ACO2: variants seen among roughly 807,000 people sequenced by gnomAD.
The protein encoded by ACO2 is aconitate hydratase, mitochondrial.
ACO2 carries 31 observed loss-of-function variants against 84.5 expected under a neutral mutation model. The ratio of observed to expected loss-of-function variants is 0.37; its 90% CI spans 0.28 to 0.50. The LOEUF (loss-of-function observed/expected upper bound fraction) is 0.50. ACO2 is among the 20% of genes least tolerant of loss of function. ACO2 has a pLI of 0.97. For missense variants in ACO2, 685 were observed against 1,029.3 expected, an observed-to-expected ratio of 0.67 and a Z score of 4.58; for synonymous variants, 414 against 412.7, an observed-to-expected ratio of 1.00 and a Z score of -0.04.
intron 1 of ACO2, among the ~76,000 whole-genome samples, chr22:41,481,108 G>A (rs2038082128): frequency 3.3e-5 from 5 of 151,898 alleles, no homozygotes; most frequent in South Asian, 2.1e-4. Flanking sequence ...CATTACCCTC[G>A]GCCAAAATCT....
chr22:41,520,284 C>G lies in ACO2; in HGVS notation c.1138+8C>G. ...CTCTGGACATCCGAGTGGGTGAGCACCTTCCACCCCATCTGTTTAGCAGGT... is the reference window on the plus strand; with the variant it reads ...CTCTGGACATCCGAGTGGGTGAGCAGCTTCCACCCCATCTGTTTAGCAGGT... On this transcript the variant is annotated splice_region_variant and intron_variant, in intron 9 of 17. Transcript: ENST00000216254. The G allele has an allele frequency of 6.2e-7, 1 of 1,608,786 alleles. No individual in the cohort carries two copies. Among genetic ancestry groups the G allele is most frequent in the African/African-American group, 1.3e-5 (1 of 74,936 alleles).
At chr22:41,494,101 A>G (rs182020145) in intron 1 of ACO2, among the ~76,000 whole-genome samples, 94 of 152,328 alleles carry the variant, frequency 6.2e-4, no homozygotes, top group Non-Finnish European at 9.7e-4. Flanking sequence ...ACACTTTCAC[A>G]TAGTTGGAAA....
At chr22:41,488,788 G>A (rs1041794396) in intron 1 of ACO2, among the ~76,000 whole-genome samples, 4 of 152,268 alleles carry the variant, frequency 2.6e-5, no homozygotes, top group African/African-American at 9.6e-5. Context: ...GGATTAAGGG[G>A]GTTTACTGGA....
intron 1 of ACO2, among the ~76,000 whole-genome samples, chr22:41,475,169 C>CTT (rs1161178390): frequency 7.4e-4 from 89 of 120,210 alleles, no homozygotes; most frequent in Non-Finnish European, 1.0e-3. Context: ...TTGTTTTTTC[C>CTT]TTTTTTTTTT....
At chr22:41,505,385 C>T (rs372822597) in intron 2 of ACO2, among the ~76,000 whole-genome samples, 7 of 152,028 alleles carry the variant, frequency 4.6e-5, no homozygotes, top group African/African-American at 1.7e-4. Flanking sequence ...CCACTACACT[C>T]CAGCCTGGGT....
chr22:41,515,270 C>A lies in ACO2; in HGVS notation c.526-107C>A. The A allele has an allele frequency of 7.3e-7, 1 of 1,361,040 alleles. No homozygotes were observed. The highest frequency in any genetic ancestry group is 1.0e-6 in the Non-Finnish European group (1 of 958,822). 84.3% of individuals were successfully genotyped at this position (1,361,040 alleles called of 1,614,324 possible). ...ATGGGGCTGCTCCTACCAGTTCCATCCTGGGAGAGTGGCTGGACGTGGTTG... is the reference window on the plus strand; with the variant it reads ...ATGGGGCTGCTCCTACCAGTTCCATACTGGGAGAGTGGCTGGACGTGGTTG... On this transcript the variant is annotated intron_variant, in intron 4 of 17. Transcript: ENST00000216254. This position sits in a 1 kb window ranked among gnomAD's most constrained non-coding sequence, Gnocchi z 5.8.
rs759565200 is a variant in ACO2 at position 41,522,951 on chromosome 22, C to T, written c.1260C>T (p.Ser420=). The change falls in exon 10 of 18, where the codon TCC becomes TCT. Residue 420 remains serine, a synonymous_variant. Coordinates refer to ENST00000216254, the MANE Select transcript of ACO2 (RefSeq NM_001098.3). ...CKSQFTITPG[S]EQIRATIERD... ...CCCAGTTCACCATCACTCCAGGTTC[C>T]GAGCAGATCCGCGCCACCATTGAGC... The T allele has an allele frequency of 2.5e-5, 41 of 1,614,106 alleles. No homozygotes were observed. Among genetic ancestry groups the T allele is most frequent in the Non-Finnish European group, 3.1e-5 (37 of 1,180,060 alleles).
At chr22:41,528,048 T>G in intron 17 of ACO2, 26 bp downstream of exon 17, 1 of 1,613,638 alleles carries the variant, frequency 6.2e-7, no homozygotes, top group African/African-American at 1.3e-5. Flanking sequence ...CCCCCTGAGG[T>G]GGTGGGGTGA....
At chr22:41,517,472 G>A in intron 6 of ACO2, 55 bp from the exon 7 acceptor site, 1 of 1,458,374 alleles carries the variant, frequency 6.9e-7, no homozygotes, top group Non-Finnish European at 9.6e-7. Flanking sequence ...CGTAGCAGGT[G>A]TGTGGGACCC....
At position 41,515,338 on chromosome 22, in the gene ACO2, T is replaced by C. The variant is rs777883824; in HGVS notation, c.526-39T>C. ...GGGGCCATTTTTTGGTATTCTCGGC[T>C]GAGGGCTTCTAAATATAACATCTTG... On this transcript the variant is annotated intron_variant, in intron 4 of 17. Transcript: ENST00000216254. This position sits in a 1 kb window ranked among gnomAD's most constrained non-coding sequence, Gnocchi z 5.8. 3.7e-6 allele frequency: 6 copies of C among 1,611,632 alleles called. No homozygotes were observed. Among genetic ancestry groups the C allele is most frequent in the East Asian group, 4.5e-5 (2 of 44,878 alleles).
chr22:41,524,777 C>T (rs1470038427), intron 12 of ACO2, 69 bp from the exon 13 acceptor site: 13 of 1,602,610 alleles, frequency 8.1e-6, no homozygotes, highest in Non-Finnish European at 1.1e-5. Flanking sequence ...TTGGCCTAGG[C>T]TTTTGGTAGG....
At chr22:41,509,094 G>A (rs2066415542) in intron 3 of ACO2, among the ~76,000 whole-genome samples, 1 of 152,148 alleles carries the variant, frequency 6.6e-6, no homozygotes. Context: ...CAACAACACT[G>A]GTGGGGGTAA....
intron 2 of ACO2, among the ~76,000 whole-genome samples, chr22:41,504,349 C>T (rs912021733): frequency 6.6e-6 from 1 of 152,244 alleles, no homozygotes; most frequent in Non-Finnish European, 1.5e-5. Context: ...TTCTTGAGAA[C>T]TGGATCTGTG....
chr22:41,494,850 C>T (rs758246002), intron 1 of ACO2, among the ~76,000 whole-genome samples: 3 of 152,088 alleles, frequency 2.0e-5, no homozygotes, highest in Non-Finnish European at 4.4e-5. Context: ...TCTCCTGCCT[C>T]AGCCTCCCGA....
At chr22:41,474,513 T>A (rs1368731922) in intron 1 of ACO2, among the ~76,000 whole-genome samples, 1 of 149,370 alleles carries the variant, frequency 6.7e-6, no homozygotes, top group Non-Finnish European at 1.5e-5. Context: ...CAGGATGGTC[T>A]CAATCTCCTG....
chr22:41,475,149 A>AG lies in ACO2; in HGVS notation c.36+5967_36+5968insG, dbSNP rs2037997254. ...TGTAAATGCTTACCTTTTTTATAAA[A>AG]AAAAAAAAATTGTTTTTTCCTTTTT... On this transcript the variant is annotated intron_variant, in intron 1 of 17. Transcript: ENST00000216254. Among the ~76,000 whole-genome samples the AG allele has an allele frequency of 9.9e-5, 15 of 151,412 alleles. No homozygotes were observed. The South Asian group carries it at 3.1e-3, about 32-fold the overall frequency.
intron 7 of ACO2, 66 bp from the exon 8 acceptor site, chr22:41,518,415 G>T: frequency 7.9e-7 from 1 of 1,259,982 alleles, no homozygotes; most frequent in South Asian, 1.2e-5. Flanking sequence ...TCAGGTGGGT[G>T]GTGAGTGAAC....
chr22:41,517,605 A>G lies in ACO2; in HGVS notation c.914A>G (p.Lys305Arg). 6.2e-7 allele frequency: 1 copy of G among 1,614,064 alleles called. No individual in the cohort carries two copies. The highest frequency in any genetic ancestry group is 8.5e-7 in the Non-Finnish European group (1 of 1,180,008). The change falls in exon 7 of 18, where the codon AAG becomes AGG. Residue 305 changes from lysine (K) to arginine (R), a missense_variant. Physicochemically the swap from Lys to Arg is conservative, Grantham distance 26 (BLOSUM62 2). This residue lies in a region of ACO2 where 311 missense variants were observed against 441.6 expected (regional missense o/e 0.70). Transcript: ENST00000216254. ...SVFPYNHRMKKYLSKTGREDI... is the reference protein window; with the variant it reads ...SVFPYNHRMKRYLSKTGREDI... Reference sequence around the variant, plus strand: ...TTCCCTTACAACCACAGGATGAAGAAGTACCTGAGCAAGACCGGCCGGGAA... The same window carrying G: ...TTCCCTTACAACCACAGGATGAAGAGGTACCTGAGCAAGACCGGCCGGGAA...
chr22:41,503,676 G>T (rs1365911250), intron 2 of ACO2, among the ~76,000 whole-genome samples: 2 of 152,080 alleles, frequency 1.3e-5, no homozygotes. Context: ...AACAAGGTGG[G>T]GGGTGGTCAG....
Sources: gnomAD v4.1 joint callset for allele counts (sites outside exome capture counted in the v4.1 genomes callset) on GRCh38, gnomAD v4.1.1 for gene constraint, gnomAD v4.1.1 regional missense constraint, Gnocchi (gnomAD v3.1) non-coding constraint, MANE v1.5 for transcripts, NCBI Gene and HGNC (gene_info 2026-07-23, HGNC 2026-07-21) for gene names.